SLC25A26: variants seen among roughly 807,000 people sequenced by gnomAD.
SLC25A26 encodes solute carrier family 25 member 26, also known as mitochondrial S-adenosylmethionine carrier protein.
SLC25A26 carries 36 observed loss-of-function variants against 37.8 expected under a neutral mutation model. The observed-to-expected ratio is 0.95, with a 90% CI of 0.73 to 1.26. SLC25A26 has a LOEUF of 1.26. SLC25A26 is among the 50% of genes most tolerant of loss of function. The pLI, the probability that SLC25A26 is intolerant of heterozygous loss-of-function variation, is 0.00. For missense variants in SLC25A26, 390 were observed against 331.1 expected, an observed-to-expected ratio of 1.18 and a Z score of -1.38; for synonymous variants, 129 against 122.5, an observed-to-expected ratio of 1.05 and a Z score of -0.35.
intron 5 of SLC25A26, among the ~76,000 whole-genome samples, chr3:66,326,125 A>G (rs1022407139): frequency 1.5e-4 from 23 of 152,182 alleles, no homozygotes; most frequent in African/African-American, 5.5e-4. Flanking sequence ...CATAGTGGCC[A>G]TATTGGCTGA....
intron 5 of SLC25A26, among the ~76,000 whole-genome samples, chr3:66,343,089 A>G (rs549609412): frequency 3.3e-5 from 5 of 152,348 alleles, no homozygotes; most frequent in Middle Eastern, 6.8e-3. Context: ...CCACGTTTTG[A>G]AGAAACAATC....
At chr3:66,183,977 C>G (rs1007396493) in intron 1 of SLC25A26, among the ~76,000 whole-genome samples, 7 of 152,112 alleles carry the variant, frequency 4.6e-5, no homozygotes, top group African/African-American at 1.4e-4. Context: ...CATTCTCACA[C>G]TGGTGTTGAC....
At chr3:66,355,883 G>C in intron 6 of SLC25A26, 2 of 394,656 alleles carry the variant, frequency 5.1e-6, no homozygotes, top group South Asian at 3.9e-5. Context: ...AGCAAGCCTA[G>C]GTTTGAAAAA....
intron 4 of SLC25A26, among the ~76,000 whole-genome samples, chr3:66,262,773 T>C (rs887832919): frequency 1.3e-5 from 2 of 152,228 alleles, no homozygotes; most frequent in African/African-American, 4.8e-5. Context: ...TATCTAATTG[T>C]ACAAATGAGA....
At chr3:66,318,473 C>T (rs2075602259) in intron 5 of SLC25A26, among the ~76,000 whole-genome samples, 1 of 152,042 alleles carries the variant, frequency 6.6e-6, no homozygotes, top group African/African-American at 2.4e-5. Context: ...TTGCTCCAGC[C>T]TGCCTTTCCT....
intron 5 of SLC25A26, among the ~76,000 whole-genome samples, chr3:66,298,807 G>A (rs758175241): frequency 6.6e-6 from 1 of 152,180 alleles, no homozygotes; most frequent in Non-Finnish European, 1.5e-5. Flanking sequence ...ACAGGATGAC[G>A]TTGCTATTTG....
intron 5 of SLC25A26, among the ~76,000 whole-genome samples, chr3:66,297,575 A>G (rs1272133119): frequency 1.3e-5 from 2 of 152,146 alleles, no homozygotes; most frequent in Non-Finnish European, 2.9e-5. Context: ...GAAGTTGTTT[A>G]ATCTCTCTGG....
chr3:66,156,873 C>G (rs2070289953), intron 1 of SLC25A26, among the ~76,000 whole-genome samples: 1 of 152,074 alleles, frequency 6.6e-6, no homozygotes, highest in Non-Finnish European at 1.5e-5. Flanking sequence ...GCCTCTTAGA[C>G]TTTTCCCAAC....
chr3:66,183,811 T>C (rs1425253393), intron 1 of SLC25A26, among the ~76,000 whole-genome samples: 1 of 151,990 alleles, frequency 6.6e-6, no homozygotes, highest in Non-Finnish European at 1.5e-5. Flanking sequence ...ACTTGGCTCT[T>C]ACCCTGATTC....
chr3:66,236,597 C>G lies in SLC25A26; in HGVS notation c.87C>G (p.Thr29=), dbSNP rs1461115297. ...ACTTGATATTATTTCCTCTGGATAC[C>G]ATTAAAACCAGGCTGCAGAGTCCCC... ...SVDLILFPLD[T]IKTRLQSPQG... The change falls in exon 2 of 10, where the codon ACC becomes ACG. Residue 29 remains threonine, a synonymous_variant. Transcript: ENST00000354883. The G allele has an allele frequency of 1.3e-6, 2 of 1,515,754 alleles. No individual in the cohort carries two copies. Among genetic ancestry groups the G allele is most frequent in the East Asian group, 2.5e-5 (1 of 40,738 alleles). The allele number at this position is 1,515,754 out of a possible 1,614,324, so 93.9% of individuals were successfully genotyped here.
intron 3 of SLC25A26, among the ~76,000 whole-genome samples, chr3:66,253,036 C>A (rs1553672556): frequency 2.2e-5 from 3 of 138,306 alleles, no homozygotes; most frequent in Admixed American, 7.4e-5. Context: ...CCCCCCCCCC[C>A]ATAAATATGT....
At chr3:66,371,404 C>CAT (rs1700336771) in intron 9 of SLC25A26, 3 of 1,498,216 alleles carry the variant, frequency 2.0e-6, no homozygotes, top group Admixed American at 2.1e-5. Flanking sequence ...ATCTGGAGGA[C>CAT]ATGAAGTAGG....
intron 1 of SLC25A26, among the ~76,000 whole-genome samples, chr3:66,150,904 T>G (rs1225696982): frequency 6.6e-6 from 1 of 151,850 alleles, no homozygotes; most frequent in Non-Finnish European, 1.5e-5. Flanking sequence ...GCTCCTACTG[T>G]CTTTCCTTTG....
intron 1 of SLC25A26, among the ~76,000 whole-genome samples, chr3:66,207,252 A>G: frequency 6.6e-6 from 1 of 152,086 alleles, no homozygotes; most frequent in East Asian, 1.9e-4. Flanking sequence ...TCACTTTAAC[A>G]CAGAGAAGCT....
intron 7 of SLC25A26, among the ~76,000 whole-genome samples, chr3:66,367,673 T>G (rs2076851786): frequency 7.2e-6 from 1 of 138,972 alleles, no homozygotes; most frequent in East Asian, 2.0e-4. Flanking sequence ...TTGGGGGAGA[T>G]AGATAGATAG....
At chr3:66,217,043 G>A (rs2071372670), upstream of SLC25A26, among the ~76,000 whole-genome samples, 2 of 152,150 alleles carry the variant, frequency 1.3e-5, no homozygotes, top group South Asian at 4.1e-4. Context: ...TGCATAAAAG[G>A]AGAGACTATG....
chr3:66,335,316 A>C (rs1378179598), intron 5 of SLC25A26, among the ~76,000 whole-genome samples: 3 of 152,242 alleles, frequency 2.0e-5, no homozygotes. Context: ...GAGTGACTTT[A>C]CAGAGTTGGG....
chr3:66,162,985 T>C (rs1044493729), intron 1 of SLC25A26, among the ~76,000 whole-genome samples: 13 of 152,204 alleles, frequency 8.5e-5, no homozygotes, highest in African/African-American at 3.1e-4. Context: ...TGGCCTTATT[T>C]CACCTTTCAC....
intron 5 of SLC25A26, among the ~76,000 whole-genome samples, chr3:66,292,368 AATTGATGC>A (rs2074742304): frequency 6.6e-6 from 1 of 152,030 alleles, no homozygotes; most frequent in Admixed American, 6.5e-5. Flanking sequence ...ATAACCTATT[AATTGATGC>A]AGTTTCTTCG....
Sources: allele counts gnomAD v4.1 joint callset (sites outside exome capture counted in the v4.1 genomes callset), GRCh38; gene constraint gnomAD v4.1.1; transcripts MANE v1.5; gene names NCBI Gene and HGNC (gene_info 2026-07-23, HGNC 2026-07-21).